Variants in P4HA1 observed in about 807,000 individuals in gnomAD.
P4HA1 encodes prolyl 4-hydroxylase subunit alpha 1.
A neutral mutation model predicts 72.8 loss-of-function variants in P4HA1; 24 were observed. The observed-to-expected ratio is 0.33, with a 90% CI of 0.24 to 0.46. The LOEUF is 0.46. Among genes scored for constraint, P4HA1 ranks in the 20% least tolerant of loss-of-function variants. P4HA1 has a pLI of 1.00. For synonymous variants in P4HA1, 201 were observed against 218.8 expected (o/e 0.92, Z 0.72); for missense variants, 446 against 640.6 (o/e 0.70, Z 3.28).
intron 7 of P4HA1, among the ~76,000 whole-genome samples, chr10:73,049,555 CTTTG>C (rs1342556771): frequency 1.3e-5 from 2 of 152,158 alleles, no homozygotes; most frequent in Admixed American, 6.6e-5. Flanking sequence ...CTATGTTCAA[CTTTG>C]TTTAACAAAT....
At chr10:73,076,935 T>C (rs887009191) in intron 1 of P4HA1, among the ~76,000 whole-genome samples, 1 of 152,198 alleles carries the variant, frequency 6.6e-6, no homozygotes, top group African/African-American at 2.4e-5. Context: ...CACTGCCCCC[T>C]AACTTGAATC....
rs531577086 is a variant in P4HA1, at chr10:73,075,742, A to AGTGTGTGT, written c.-32-835_-32-828dup. Among the ~76,000 whole-genome samples, 5 of 147,856 alleles carry AGTGTGTGT rather than the reference A, an allele frequency of 3.4e-5. 1 individual carries two copies. Among genetic ancestry groups the AGTGTGTGT allele is most frequent in the African/African-American group, 1.0e-4 (4 of 39,588 alleles). On this transcript the variant is annotated intron_variant, in intron 1 of 14. Coordinates refer to ENST00000394890, the MANE Select transcript of P4HA1 (RefSeq NM_001017962.3). ...TCATATATATTTTATATATATATAT[A>AGTGTGTGT]GTGTGTGTGTGTGTGTGTATGTGTG...
At chr10:73,057,367 G>A (rs1360794668) in intron 5 of P4HA1, among the ~76,000 whole-genome samples, 2 of 152,078 alleles carry the variant, frequency 1.3e-5, no homozygotes, top group Non-Finnish European at 2.9e-5. Context: ...GTGGGTGCTT[G>A]TAGTCCCAGC....
chr10:73,073,696 G>T, intron 3 of P4HA1, 35 bp downstream of exon 3: 2 of 929,374 alleles, frequency 2.2e-6, no homozygotes, highest in South Asian at 1.3e-5. Context: ...CATCCAGGTT[G>T]AGTCAGAGTC....
chr10:73,047,499 GA>G (rs1183615450), intron 7 of P4HA1, among the ~76,000 whole-genome samples: 2 of 26,274 alleles, frequency 7.6e-5, no homozygotes, highest in Admixed American at 5.2e-4. Flanking sequence ...GTTTCTAGAA[GA>G]AAAAAAAAAC....
rs184996261 is a variant in P4HA1 at position 73,049,984 on chromosome 10, G to A, written c.900+1069C>T. On this transcript the variant is annotated intron_variant, in intron 7 of 14. Transcript: ENST00000394890. ...TTTGAGACCAGCCTGGCCAACATAA[G>A]GAAACCCCGTCTTTACTAAAAATAC... Among the ~76,000 whole-genome samples the A allele has an allele frequency of 1.8e-4, 28 of 151,738 alleles. 1 individual carries two copies. The highest frequency in any genetic ancestry group is 6.0e-4 in the African/African-American group (25 of 41,430).
intron 8 of P4HA1, 27 bp from the exon 9 acceptor site, chr10:73,045,078 G>C (rs1287939793): frequency 6.3e-7 from 1 of 1,596,886 alleles, no homozygotes; most frequent in African/African-American, 1.3e-5. Flanking sequence ...CAAAATAGTT[G>C]CATTACAAAA....
At chr10:73,050,069 A>G (rs6480662) in intron 7 of P4HA1, among the ~76,000 whole-genome samples, 7,505 of 151,826 alleles carry the variant, frequency 0.049, 604 homozygotes, top group African/African-American at 0.17. Context: ...GGGAGGCTGA[A>G]GCACAAGAAT....
At chr10:73,061,474 T>C (rs1379794851) in intron 5 of P4HA1, among the ~76,000 whole-genome samples, 1 of 152,094 alleles carries the variant, frequency 6.6e-6, no homozygotes, top group Non-Finnish European at 1.5e-5. Context: ...ACAGACATAA[T>C]TTAAAAAAAT....
intron 1 of P4HA1, among the ~76,000 whole-genome samples, chr10:73,094,448 T>C (rs1287431143): frequency 6.6e-6 from 1 of 152,196 alleles, no homozygotes. Flanking sequence ...GTATTTGCAT[T>C]TTCTGACATA....
At chr10:73,062,280 T>C (rs1841329957) in intron 5 of P4HA1, among the ~76,000 whole-genome samples, 1 of 152,146 alleles carries the variant, frequency 6.6e-6, no homozygotes, top group Non-Finnish European at 1.5e-5. Flanking sequence ...AAAAGAAATT[T>C]TATAAATAAT....
In P4HA1 at chr10:73,083,812, A is replaced by C. The variant is rs1841871436; in HGVS notation, c.-32-8897T>G. ...CTCAAAAAAAAGAATATATTTGCCT[A>C]CATATGTAACAGGTTTTTTAAATTT... On this transcript the variant is annotated intron_variant, in intron 1 of 14. Transcript: ENST00000394890. Among the ~76,000 whole-genome samples, 5 of 152,360 alleles carry C rather than the reference A, an allele frequency of 3.3e-5. No homozygotes were observed. The South Asian group carries it at 1.0e-3, about 32-fold the overall frequency.
At chr10:73,072,207 A>G (rs771532781) in intron 3 of P4HA1, 27 bp from the exon 4 acceptor site, 13 of 1,561,482 alleles carry the variant, frequency 8.3e-6, no homozygotes, top group Non-Finnish European at 9.6e-6. Context: ...TAAAAACTGA[A>G]TATTTATATT....
At chr10:73,051,320 T>C in intron 6 of P4HA1, 71 bp from the exon 7 acceptor site, 3 of 787,676 alleles carry the variant, frequency 3.8e-6, no homozygotes, top group Non-Finnish European at 6.1e-6. Flanking sequence ...TATAGTAATA[T>C]AAAAATAGGA....
intron 9 of P4HA1, among the ~76,000 whole-genome samples, chr10:73,041,139 A>G (rs1465870635): frequency 6.6e-6 from 1 of 152,106 alleles, no homozygotes; most frequent in Non-Finnish European, 1.5e-5. Context: ...AATTTTCTTC[A>G]TGTCTTCTAA....
Position 73,008,045 on chromosome 10 carries a change from CT to C in P4HA1, c.*176del. 1 of 355,020 alleles carries C rather than the reference CT, an allele frequency of 2.8e-6. No individual in the cohort carries two copies. The highest frequency in any genetic ancestry group is 4.8e-6 in the Non-Finnish European group (1 of 206,486). The allele number at this position is 355,020 out of a possible 1,614,324, so 22.0% of individuals were successfully genotyped here. A position where few individuals can be genotyped will look rare whatever the true frequency, so the allele number is the denominator to read the frequency against. ...TATGCAATATGATGATTTCGTGTTA[CT>C]TTTAAAAGAACCCACAAAGTAAGCA... On this transcript the variant is annotated 3_prime_UTR_variant, in exon 15 of 15. Transcript: ENST00000394890.
intron 11 of P4HA1, among the ~76,000 whole-genome samples, chr10:73,015,189 A>G (rs772309376): frequency 1.4e-4 from 22 of 152,136 alleles, no homozygotes; most frequent in Non-Finnish European, 2.9e-4. Context: ...TAATCAAGCT[A>G]AAGAATTAAT....
At chr10:73,054,371 T>C (rs1464204653) in intron 5 of P4HA1, among the ~76,000 whole-genome samples, 1 of 152,188 alleles carries the variant, frequency 6.6e-6, no homozygotes, top group Admixed American at 6.5e-5. Context: ...TAGTTCTTAG[T>C]ATATTTACAG....
In P4HA1 at chr10:73,016,776, T is replaced by C. The variant is rs1000501930; in HGVS notation, c.1302+70A>G. On this transcript the variant is annotated intron_variant, in intron 11 of 14. Coordinates refer to ENST00000394890, the MANE Select transcript of P4HA1 (RefSeq NM_001017962.3). ...TGGGTGACAGAGTGAGACTGTTTTT[T>C]TGTTTTGTTTTGAGACAAACAATGT... The C allele has an allele frequency of 1.1e-5, 13 of 1,187,394 alleles. No homozygotes were observed. The African/African-American group carries it at 2.0e-4, about 18-fold the overall frequency. 73.6% of individuals were successfully genotyped at this position (1,187,394 alleles called of 1,614,324 possible).
Sources: gnomAD v4.1 joint callset for allele counts (sites outside exome capture counted in the v4.1 genomes callset) on GRCh38, gnomAD v4.1.1 for gene constraint, MANE v1.5 for transcripts, NCBI Gene and HGNC (gene_info 2026-07-23, HGNC 2026-07-21) for gene names.